NPAS3: variants seen among roughly 807,000 people sequenced by gnomAD.
NPAS3 encodes neuronal PAS domain-containing protein 3.
In NPAS3, 14 loss-of-function variants were observed where a neutral mutation model predicts 73.1. The ratio of observed to expected loss-of-function variants is 0.19; its 90% CI spans 0.13 to 0.30. The LOEUF (loss-of-function observed/expected upper bound fraction) is 0.30, where lower values mean the gene tolerates loss of function less well. Among genes scored for constraint, NPAS3 ranks in the 10% least tolerant of loss-of-function variants. The pLI is 1.00. For missense variants in NPAS3, 1,096 were observed against 1,250.0 expected, an observed-to-expected ratio of 0.88 and a Z score of 1.86; for synonymous variants, 620 against 541.5, an observed-to-expected ratio of 1.14 and a Z score of -2.01.
chr14:33,556,900 G>T (rs1366911046), intron 4 of NPAS3, among the ~76,000 whole-genome samples: 1 of 152,140 alleles, frequency 6.6e-6, no homozygotes, highest in Non-Finnish European at 1.5e-5. Context: ...TTGTGTTGTT[G>T]CTCTAATTGA....
At chr14:33,369,053 A>T (rs2045963892) in intron 4 of NPAS3, among the ~76,000 whole-genome samples, 1 of 152,144 alleles carries the variant, frequency 6.6e-6, no homozygotes, top group Non-Finnish European at 1.5e-5. Flanking sequence ...ACTAACACAA[A>T]CTTAGGAGTT....
intron 1 of NPAS3, among the ~76,000 whole-genome samples, chr14:32,994,504 A>G (rs1419173207): frequency 6.6e-6 from 1 of 152,090 alleles, no homozygotes; most frequent in African/African-American, 2.4e-5. Flanking sequence ...AATGAATAAA[A>G]ATGATTTTAT....
intron 2 of NPAS3, among the ~76,000 whole-genome samples, chr14:33,183,373 C>T (rs949928604): frequency 4.3e-5 from 6 of 140,292 alleles, no homozygotes; most frequent in African/African-American, 1.6e-4. Context: ...TTGCAGTGAG[C>T]TGAGATTACA....
At chr14:33,638,070 T>G (rs1179311496) in intron 5 of NPAS3, among the ~76,000 whole-genome samples, 3 of 152,210 alleles carry the variant, frequency 2.0e-5, no homozygotes, top group Non-Finnish European at 4.4e-5. Context: ...AGCAGACTTA[T>G]TTTTGATAGC....
upstream of NPAS3, among the ~76,000 whole-genome samples, chr14:32,938,498 A>AGG: frequency 9.2e-6 from 1 of 108,798 alleles, no homozygotes; most frequent in Non-Finnish European, 2.0e-5. Context: ...AGAGAGAGAG[A>AGG]GAGAGAGAGA....
intron 1 of NPAS3, among the ~76,000 whole-genome samples, chr14:33,027,520 CTCTT>C (rs1163387354): frequency 2.0e-5 from 3 of 152,098 alleles, no homozygotes; most frequent in Admixed American, 6.5e-5. Context: ...ATTTCTGTCT[CTCTT>C]TCTTTCCCTC....
At chr14:33,154,198 G>T (rs1464799526) in intron 2 of NPAS3, among the ~76,000 whole-genome samples, 1 of 152,112 alleles carries the variant, frequency 6.6e-6, no homozygotes, top group Non-Finnish European at 1.5e-5. Context: ...TGTTTCTAAA[G>T]CAAAATCAAG....
At chr14:33,289,471 A>G (rs1051342361) in intron 3 of NPAS3, among the ~76,000 whole-genome samples, 1 of 152,178 alleles carries the variant, frequency 6.6e-6, no homozygotes, top group Non-Finnish European at 1.5e-5. Flanking sequence ...TAAAACCTGA[A>G]TGATGGCTTT....
intron 3 of NPAS3, among the ~76,000 whole-genome samples, chr14:33,315,740 G>A (rs1010773821): frequency 5.3e-5 from 8 of 151,948 alleles, no homozygotes; most frequent in Non-Finnish European, 1.2e-4. Context: ...ATTCATCAGT[G>A]GGAAAAGCTA....
chr14:33,390,978 T>G (rs2046976967), intron 4 of NPAS3, among the ~76,000 whole-genome samples: 1 of 152,182 alleles, frequency 6.6e-6, no homozygotes, highest in African/African-American at 2.4e-5. Flanking sequence ...TTTACAAATG[T>G]GTACCTTGGA....
At chr14:33,102,602 AAG>A (rs1186565369) in intron 2 of NPAS3, among the ~76,000 whole-genome samples, 31 of 152,264 alleles carry the variant, frequency 2.0e-4, no homozygotes, top group African/African-American at 7.2e-4. Flanking sequence ...GCCTAGGAAT[AAG>A]AGAGTTAAGA....
intron 2 of NPAS3, among the ~76,000 whole-genome samples, chr14:33,091,775 G>A (rs573881453): frequency 9.9e-5 from 15 of 152,124 alleles, no homozygotes; most frequent in African/African-American, 3.4e-4. Context: ...TATCCACCGT[G>A]ATCAAGTGGG....
chr14:33,056,898 T>C (rs2040909078), intron 2 of NPAS3, among the ~76,000 whole-genome samples: 2 of 152,236 alleles, frequency 1.3e-5, no homozygotes, highest in African/African-American at 4.8e-5. Context: ...TTTGCAAATA[T>C]ACTTTGTTGT....
chr14:33,766,753 T>C (rs145996276), intron 7 of NPAS3, among the ~76,000 whole-genome samples: 10 of 152,288 alleles, frequency 6.6e-5, no homozygotes, highest in African/African-American at 2.4e-4. Context: ...GCCATCTCCA[T>C]ACATAGCTGA....
Position 32,954,508 on chromosome 14 carries a change from G to C in NPAS3, c.50+15142G>C, listed in dbSNP as rs1171567725. On this transcript the variant is annotated intron_variant, in intron 1 of 11. Transcript: ENST00000356141. ...AAGCCTCAGTCTGGACTGATGGGATGACATTCTTTTACCATGTTAGCTACC... is the reference window on the plus strand; with the variant it reads ...AAGCCTCAGTCTGGACTGATGGGATCACATTCTTTTACCATGTTAGCTACC... Among the ~76,000 whole-genome samples the C allele has an allele frequency of 4.6e-5, 7 of 152,138 alleles. 1 individual carries two copies. The highest frequency in any genetic ancestry group is 1.5e-5 in the Non-Finnish European group (1 of 68,004).
At chr14:33,387,337 AT>A (rs1320841425) in intron 4 of NPAS3, among the ~76,000 whole-genome samples, 2 of 152,032 alleles carry the variant, frequency 1.3e-5, no homozygotes, top group Non-Finnish European at 2.9e-5. Context: ...GTGAAGAAAA[AT>A]TCCTCTCCTC....
At chr14:33,718,131 C>T (rs1362344750) in intron 6 of NPAS3, among the ~76,000 whole-genome samples, 1 of 152,094 alleles carries the variant, frequency 6.6e-6, no homozygotes, top group Non-Finnish European at 1.5e-5. Flanking sequence ...ACTCAAGCTA[C>T]GATGTGGTTA....
At chr14:33,620,663 A>G (rs2058052388) in intron 5 of NPAS3, among the ~76,000 whole-genome samples, 1 of 152,210 alleles carries the variant, frequency 6.6e-6, no homozygotes, top group Admixed American at 6.5e-5. Flanking sequence ...AATCAACATT[A>G]ATAGACATAA....
At chr14:33,579,532 G>A (rs535511447) in intron 5 of NPAS3, among the ~76,000 whole-genome samples, 33 of 152,250 alleles carry the variant, frequency 2.2e-4, no homozygotes, top group South Asian at 1.7e-3. Context: ...ATATGGATGC[G>A]TAGAATGAAG....
Sources: allele counts gnomAD v4.1 joint callset (sites outside exome capture counted in the v4.1 genomes callset), GRCh38; gene constraint gnomAD v4.1.1; transcripts MANE v1.5; gene names NCBI Gene and HGNC (gene_info 2026-07-23, HGNC 2026-07-21).